Variants in ASB1 observed in about 807,000 individuals in gnomAD.
ASB1 encodes the protein ankyrin repeat and SOCS box containing 1.
Under a neutral mutation model 27.7 loss-of-function variants are expected in ASB1, and 18 were observed. The observed-to-expected ratio is 0.65, with a 90% confidence interval of 0.45 to 0.96. ASB1 has a LOEUF of 0.96. ASB1 is among the 50% of genes least tolerant of loss of function. The pLI is 0.00. For synonymous variants in ASB1, 189 were observed against 187.6 expected, an observed-to-expected ratio of 1.01 and a Z score of -0.06; for missense variants, 397 against 451.7, an observed-to-expected ratio of 0.88 and a Z score of 1.10.
In ASB1 at chr2:238,446,448, G is replaced by C. The variant is rs749333203; in HGVS notation, c.945G>C (p.Arg315=). ...TGAGAAGAGCTCTTGGCAAACACCG[G>C]CTTCATCTGATTCCTTCGCTGCCTC... The part of the protein sequence containing the change: ...VAVRRALGKH[R]LHLIPSLPLP... Residue 315 remains arginine (R), a synonymous_variant, in exon 5 of 5, where the codon CGG becomes CGC. Coordinates refer to ENST00000264607, the MANE Select transcript of ASB1 (RefSeq NM_001040445.3). 16 of 1,613,988 alleles carry C rather than the reference G, an allele frequency of 9.9e-6. No homozygotes were observed. Among genetic ancestry groups the C allele is most frequent in the Non-Finnish European group, 1.4e-5 (16 of 1,180,012 alleles).
At chr2:238,435,638 G>A in intron 2 of ASB1, 73 bp from the exon 3 acceptor site, 6 of 1,470,942 alleles carry the variant, frequency 4.1e-6, no homozygotes, top group Non-Finnish European at 5.5e-6. Context: ...ATGCTGCCAG[G>A]GTGAGGGGGG....
At chr2:238,443,805 A>G (rs1471401814) in intron 3 of ASB1, among the ~76,000 whole-genome samples, 1 of 151,806 alleles carries the variant, frequency 6.6e-6, no homozygotes, top group African/African-American at 2.4e-5. Flanking sequence ...TCATTTTACA[A>G]TGGATTATAT....
chr2:238,437,696 G>A (rs188443905), intron 3 of ASB1, among the ~76,000 whole-genome samples: 31 of 152,146 alleles, frequency 2.0e-4, no homozygotes, highest in Non-Finnish European at 8.8e-5. Flanking sequence ...GTGCAGTTTA[G>A]GTAGCTGGTT....
At chr2:238,439,214 GA>G (rs1218300450) in intron 3 of ASB1, among the ~76,000 whole-genome samples, 1 of 152,176 alleles carries the variant, frequency 6.6e-6, no homozygotes, top group Non-Finnish European at 1.5e-5. Flanking sequence ...GTCACTCCTA[GA>G]ATGTCTTTGA....
In ASB1 at chr2:238,427,107, C is replaced by T. The variant is rs1701771065; in HGVS notation, c.37C>T (p.Pro13Ser). Residue 13 changes from proline to serine, a missense_variant, in exon 1 of 5, where the codon CCG (proline) becomes TCG (serine). Transcript: ENST00000264607. Reference protein sequence around the residue: ...EGGSPDGRAGPGSAGRNLKEW... With the variant: ...EGGSPDGRAGSGSAGRNLKEW... ...CGGCAGCCCAGACGGGCGGGCAGGG[C>T]CGGGCTCCGCAGGTAACGTGCGCGC... 8.0e-7 allele frequency: 1 copy of T among 1,256,862 alleles called. No homozygotes were observed. The highest frequency in any genetic ancestry group is 1.0e-6 in the Non-Finnish European group (1 of 1,001,832). 77.9% of individuals were successfully genotyped at this position (1,256,862 alleles called of 1,614,324 possible). A position where few individuals can be genotyped will look rare whatever the true frequency, so the allele number is the denominator to read the frequency against.
intron 1 of ASB1, 39 bp from the exon 2 acceptor site, chr2:238,433,515 G>T: frequency 6.2e-7 from 1 of 1,608,840 alleles, no homozygotes; most frequent in Non-Finnish European, 8.5e-7. Context: ...TCTTGGCAGG[G>T]CCTCCATGAG....
intron 3 of ASB1, among the ~76,000 whole-genome samples, chr2:238,437,248 T>C (rs992405609): frequency 1.3e-5 from 2 of 152,176 alleles, no homozygotes; most frequent in African/African-American, 4.8e-5. Context: ...TTTATTTTTT[T>C]TGAGACAGAG....
At chr2:238,427,381 CT>C (rs1701778770) in intron 1 of ASB1, 1 of 365,802 alleles carries the variant, frequency 2.7e-6, no homozygotes, top group South Asian at 1.5e-4. Context: ...TTGCTCGTAA[CT>C]TCCTTCCCGT....
At position 238,449,059 on chromosome 2, in the gene ASB1, C is replaced by G. The variant is rs1424194037; in HGVS notation, c.*2548C>G. On this transcript the variant is annotated 3_prime_UTR_variant, in exon 5 of 5. Coordinates refer to ENST00000264607, the MANE Select transcript of ASB1 (RefSeq NM_001040445.3). The stretch of plus-strand genomic sequence containing the variant: ...TCAACTTCCTCTCTGTTCAAGCCAG[C>G]CTTTGCCAATTTTTTCAGAATCCAA... 1 of 152,228 alleles carries G rather than the reference C, an allele frequency of 6.6e-6. No individual in the cohort carries two copies. The highest frequency in any genetic ancestry group is 1.9e-4 in the East Asian group (1 of 5,196). 9.4% of individuals were successfully genotyped at this position (152,228 alleles called of 1,614,324 possible).
In ASB1 at chr2:238,446,474, T is replaced by C; in HGVS notation, c.971T>C (p.Leu324Pro). 1.2e-6 allele frequency: 2 copies of C among 1,614,200 alleles called. No individual in the cohort carries two copies. Among genetic ancestry groups the C allele is most frequent in the Non-Finnish European group, 1.7e-6 (2 of 1,180,026 alleles). ...CTTCATCTGATTCCTTCGCTGCCTC[T>C]GCCAGACCCCATAAAGAAGTTTCTA... is the stretch of plus-strand genomic sequence containing the variant. ...HRLHLIPSLP[L>P]PDPIKKFLLH... Residue 324 changes from leucine to proline, a missense_variant, in exon 5 of 5, where the codon CTG (leucine) becomes CCG (proline). By Grantham distance (98) the Leu-to-Pro change is moderately conservative (BLOSUM62 -3). Coordinates refer to ENST00000264607, the MANE Select transcript of ASB1 (RefSeq NM_001040445.3).
intron 4 of ASB1, among the ~76,000 whole-genome samples, chr2:238,444,974 G>A (rs1335864719): frequency 1.5e-5 from 2 of 136,222 alleles, no homozygotes; most frequent in Non-Finnish European, 3.1e-5. Context: ...TTATGCTCGC[G>A]CTCTCTTTTT....
rs1312918983 is a variant in ASB1, at chr2:238,450,079, C to T, written c.*3568C>T. Reference sequence around the variant, plus strand: ...AGCAATGTGTTACGCAAGCAGTCTCCATGTGTGTGTAAACTGCTGTCCTGG... The same window carrying T: ...AGCAATGTGTTACGCAAGCAGTCTCTATGTGTGTGTAAACTGCTGTCCTGG... On this transcript the variant is annotated 3_prime_UTR_variant, in exon 5 of 5. Coordinates refer to ENST00000264607, the MANE Select transcript of ASB1 (RefSeq NM_001040445.3). 1 of 152,292 alleles carries T rather than the reference C, an allele frequency of 6.6e-6. No homozygotes were observed. The highest frequency in any genetic ancestry group is 1.5e-5 in the Non-Finnish European group (1 of 68,088). The allele number at this position is 152,292 out of a possible 1,614,324, so 9.4% of individuals were successfully genotyped here. A position where few individuals can be genotyped will look rare whatever the true frequency, so the allele number is the denominator to read the frequency against.
intron 2 of ASB1, 111 bp from the exon 3 acceptor site, chr2:238,435,600 C>T (rs1701951727): frequency 1.4e-5 from 16 of 1,110,212 alleles, no homozygotes; most frequent in Admixed American, 2.7e-5. Flanking sequence ...CAGGTGGAGG[C>T]GTTATTAACC....
In ASB1 at chr2:238,427,002, G is replaced by A. The variant is rs1319279379; in HGVS notation, c.-69G>A. ...ATTGCCCTCGGCGCCGGAAGTGGTC[G>A]CGGGTCGTTCTGCTTCCTGCCCGAG... On this transcript the variant is annotated 5_prime_UTR_variant, in exon 1 of 5. Coordinates refer to ENST00000264607, the MANE Select transcript of ASB1 (RefSeq NM_001040445.3). The A allele has an allele frequency of 5.9e-6, 7 of 1,192,422 alleles. No individual in the cohort carries two copies. The highest frequency in any genetic ancestry group is 7.4e-6 in the Non-Finnish European group (7 of 952,250). The allele number at this position is 1,192,422 out of a possible 1,614,324, so 73.9% of individuals were successfully genotyped here.
chr2:238,434,765 G>T (rs1214947850), intron 2 of ASB1, among the ~76,000 whole-genome samples: 5 of 152,196 alleles, frequency 3.3e-5, no homozygotes, highest in African/African-American at 1.2e-4. Flanking sequence ...GTTCGGTGAG[G>T]TCTCAGCCCA....
chr2:238,444,850 C>T (rs1329500886), intron 4 of ASB1, 123 bp downstream of exon 4: 19 of 1,068,690 alleles, frequency 1.8e-5, no homozygotes, highest in South Asian at 1.4e-4. Context: ...AGTTAGAACT[C>T]GCAGTTTTCC....
rs767967749 is a variant in ASB1 at position 238,444,543 on chromosome 2, C to T, written c.696C>T (p.Tyr232=). 3.7e-6 allele frequency: 6 copies of T among 1,614,092 alleles called. No individual in the cohort carries two copies. The East Asian group carries it at 1.3e-4, about 36-fold the overall frequency. The change falls in exon 4 of 5, where the codon TAC becomes TAT. Residue 232 remains tyrosine (Y), a synonymous_variant. Transcript: ENST00000264607. ...GTCCTGTCAACACACAGGGATTCTA[C>T]AGGGGCTCCCCTGGGTGCGTCATGG... The part of the protein sequence containing the change: ...CNGPVNTQGF[Y]RGSPGCVMDA...
At position 238,450,795 on chromosome 2, in the gene ASB1, C is replaced by T. The variant is rs553438005; in HGVS notation, c.*4284C>T. On this transcript the variant is annotated 3_prime_UTR_variant, in exon 5 of 5. Coordinates refer to ENST00000264607, the MANE Select transcript of ASB1 (RefSeq NM_001040445.3). ...CCTGGGCACTGGGAGCCTGTGGCCC[C>T]CCTGTATGTTGGTGATGACACTAGT... The T allele has an allele frequency of 1.3e-5, 2 of 152,268 alleles. No homozygotes were observed. The highest frequency in any genetic ancestry group is 2.9e-5 in the Non-Finnish European group (2 of 68,174). The allele number at this position is 152,268 out of a possible 1,614,324, so 9.4% of individuals were successfully genotyped here.
intron 3 of ASB1, among the ~76,000 whole-genome samples, chr2:238,442,031 A>G (rs371891765): frequency 7.2e-5 from 11 of 152,186 alleles, no homozygotes; most frequent in African/African-American, 2.7e-4. Flanking sequence ...GTGATATCTC[A>G]GAATAGTTTT....
Sources: allele counts gnomAD v4.1 joint callset (sites outside exome capture counted in the v4.1 genomes callset), GRCh38; gene constraint gnomAD v4.1.1; transcripts MANE v1.5; gene names NCBI Gene and HGNC (gene_info 2026-07-23, HGNC 2026-07-21).